The following NTRK3 variants were observed in gnomAD, a reference collection of about 807,000 sequenced individuals.
The protein encoded by NTRK3 is neurotrophic receptor tyrosine kinase 3.
Under a neutral mutation model 91.7 loss-of-function variants are expected in NTRK3, and 24 were observed. The observed-to-expected ratio is 0.26, with a 90% CI of 0.19 to 0.37. NTRK3 has a LOEUF of 0.37. Ranked by LOEUF, NTRK3 falls within the 10% of genes least tolerant of loss-of-function variation. The probability of loss-of-function intolerance (pLI) is 1.00; values close to 1 mark genes in which losing one functional copy is unlikely to be tolerated. For synonymous variants in NTRK3, 483 were observed against 404.0 expected (o/e 1.20, Z -2.34); for missense variants, 880 against 1,068.9 (o/e 0.82, Z 2.46).
At position 88,183,496 on chromosome 15, in the gene NTRK3, A is replaced by G; in HGVS notation, c.324-7T>C. Reference sequence around the variant, plus strand: ...TCCTGAGTTCTTGATGGTCCTAGACAGAGAGAAAAAGAGGATCAGCAGAGC... The same window carrying G: ...TCCTGAGTTCTTGATGGTCCTAGACGGAGAGAAAAAGAGGATCAGCAGAGC... On this transcript the variant is annotated splice_region_variant and splice_polypyrimidine_tract_variant and intron_variant, in intron 4 of 18. Transcript: ENST00000394480. 6.2e-7 allele frequency: 1 copy of G among 1,613,630 alleles called. No homozygotes were observed. The highest frequency in any genetic ancestry group is 1.1e-5 in the South Asian group (1 of 91,072).
intron 3 of NTRK3, among the ~76,000 whole-genome samples, chr15:88,225,879 G>A (rs1040753649): frequency 6.6e-6 from 1 of 152,192 alleles, no homozygotes; most frequent in Non-Finnish European, 1.5e-5. Context: ...CCGATAGGCT[G>A]CAGTCAGCAG....
chr15:88,161,819 C>G (rs1376929283), intron 5 of NTRK3, among the ~76,000 whole-genome samples: 1 of 152,138 alleles, frequency 6.6e-6, no homozygotes, highest in East Asian at 1.9e-4. Flanking sequence ...GCTCATGAGT[C>G]CCACAGAGGT....
chr15:87,895,477 T>C (rs2066064641), intron 17 of NTRK3, among the ~76,000 whole-genome samples: 1 of 152,206 alleles, frequency 6.6e-6, no homozygotes, highest in South Asian at 2.1e-4. Flanking sequence ...CATGACTTAT[T>C]TTCCAATCTG....
chr15:88,040,777 A>G (rs2079532925), intron 13 of NTRK3, among the ~76,000 whole-genome samples: 1 of 151,298 alleles, frequency 6.6e-6, no homozygotes, highest in African/African-American at 2.5e-5. Flanking sequence ...GTGGTTTACA[A>G]GAAAAGGAAA....
chr15:88,156,318 A>G (rs533428145), intron 5 of NTRK3, among the ~76,000 whole-genome samples: 1 of 152,202 alleles, frequency 6.6e-6, no homozygotes, highest in Non-Finnish European at 1.5e-5. Flanking sequence ...ATGGGAGACC[A>G]GATATGGACA....
exon 15 of NTRK3, chr15:87,940,749 C>T (rs1479298642): frequency 1.8e-5 from 29 of 1,614,044 alleles, no homozygotes; most frequent in Non-Finnish European, 2.5e-5. Flanking sequence ...TAATGTGCTG[C>T]ACATCTGTAG....
intron 17 of NTRK3, among the ~76,000 whole-genome samples, chr15:87,912,533 G>C (rs888339459): frequency 2.0e-5 from 3 of 152,142 alleles, no homozygotes; most frequent in African/African-American, 7.2e-5. Context: ...ATGGTGGTTA[G>C]AGAGGAGCAC....
intron 13 of NTRK3, among the ~76,000 whole-genome samples, chr15:88,090,108 C>T (rs2048880018): frequency 6.6e-6 from 1 of 152,154 alleles, no homozygotes. Context: ...GCTCGGCTTG[C>T]ACTCATTCAA....
intron 14 of NTRK3, among the ~76,000 whole-genome samples, chr15:87,952,807 C>T (rs1019430441): frequency 6.6e-6 from 1 of 152,146 alleles, no homozygotes; most frequent in Admixed American, 6.5e-5. Context: ...CACTCCCACT[C>T]CCGGAGCCAG....
At chr15:87,911,613 G>A (rs1439291217) in intron 17 of NTRK3, among the ~76,000 whole-genome samples, 1 of 152,188 alleles carries the variant, frequency 6.6e-6, no homozygotes, top group Non-Finnish European at 1.5e-5. Flanking sequence ...ACCCCTGTGG[G>A]TGAGGAACAC....
At chr15:87,968,856 A>T (rs1030053180) in intron 14 of NTRK3, among the ~76,000 whole-genome samples, 2 of 152,218 alleles carry the variant, frequency 1.3e-5, no homozygotes, top group Non-Finnish European at 2.9e-5. Context: ...CATGCTATAG[A>T]ATCAGGATAT....
At chr15:88,135,368 G>T in exon 10 of NTRK3, 5 of 1,614,044 alleles carry the variant, frequency 3.1e-6, no homozygotes, top group Non-Finnish European at 4.2e-6. Flanking sequence ...CGCAGCTCAG[G>T]CTCCTCCAGG....
exon 19 of NTRK3, chr15:87,863,972 A>AATACACACACACACACAC (rs1180183509): frequency 3.8e-4 from 66 of 171,598 alleles, no homozygotes; most frequent in African/African-American, 2.0e-3. Context: ...CACCAGGCAA[A>AATACACACACACACACAC]ATACACACAC....
At chr15:88,096,231 A>T (rs986402048) in intron 13 of NTRK3, among the ~76,000 whole-genome samples, 1 of 151,964 alleles carries the variant, frequency 6.6e-6, no homozygotes, top group Non-Finnish European at 1.5e-5. Context: ...TCCCATCCCC[A>T]ATCCTGACCA....
intron 18 of NTRK3, among the ~76,000 whole-genome samples, chr15:87,878,545 AT>A: frequency 6.6e-6 from 1 of 152,292 alleles, no homozygotes; most frequent in South Asian, 2.1e-4. Context: ...AGGAAAAGGG[AT>A]TCAGTTCGAA....
intron 13 of NTRK3, among the ~76,000 whole-genome samples, chr15:88,065,639 C>A (rs893066765): frequency 2.6e-5 from 4 of 152,158 alleles, no homozygotes; most frequent in Admixed American, 2.0e-4. Flanking sequence ...CCTCTGGGTA[C>A]AAGTCCAGCT....
intron 17 of NTRK3, chr15:87,926,995 C>T (rs1280562384): frequency 6.6e-6 from 1 of 152,242 alleles, no homozygotes; most frequent in African/African-American, 2.4e-5. Flanking sequence ...ACCCATCCCC[C>T]TCTTAGTAAC....
intron 13 of NTRK3, among the ~76,000 whole-genome samples, chr15:88,061,408 G>T (rs888284617): frequency 6.6e-6 from 1 of 152,248 alleles, no homozygotes; most frequent in African/African-American, 2.4e-5. Flanking sequence ...AAGGGACACG[G>T]AATGCTTGTG....
chr15:88,000,435 T>C (rs1021615931), intron 14 of NTRK3, among the ~76,000 whole-genome samples: 1 of 152,144 alleles, frequency 6.6e-6, no homozygotes, highest in Non-Finnish European at 1.5e-5. Context: ...AACATAAAAT[T>C]CACCCTTTAA....
Sources: allele counts gnomAD v4.1 joint callset (sites outside exome capture counted in the v4.1 genomes callset), GRCh38; gene constraint gnomAD v4.1.1; transcripts MANE v1.5; gene names NCBI Gene and HGNC (gene_info 2026-07-23, HGNC 2026-07-21).